CACNG7: variants seen among roughly 807,000 people sequenced by gnomAD.
CACNG7 encodes the protein calcium voltage-gated channel auxiliary subunit gamma 7.
A neutral mutation model predicts 26.3 loss-of-function variants in CACNG7; 9 were observed. The ratio of observed to expected loss-of-function variants is 0.34; its 90% CI spans 0.21 to 0.60. CACNG7 has a LOEUF of 0.60. CACNG7 is among the 20% of genes least tolerant of loss of function. CACNG7 has a pLI of 0.81. For synonymous variants in CACNG7, 170 were observed against 157.0 expected, an observed-to-expected ratio of 1.08 and a Z score of -0.62; for missense variants, 297 against 380.4, an observed-to-expected ratio of 0.78 and a Z score of 1.82.
chr19:53,927,841 A>G (rs529172950), intron 4 of CACNG7, among the ~76,000 whole-genome samples: 4,969 of 144,730 alleles, frequency 0.034, 279 homozygotes, highest in African/African-American at 0.13. Context: ...TCCATCTCAA[A>G]AAAAAAAAAA....
At chr19:53,923,179 GT>G (rs1335194723) in intron 4 of CACNG7, among the ~76,000 whole-genome samples, 4 of 84,488 alleles carry the variant, frequency 4.7e-5, no homozygotes, top group African/African-American at 7.3e-5. Flanking sequence ...GTTGTCCCAG[GT>G]CTGGTCATTG....
intron 4 of CACNG7, among the ~76,000 whole-genome samples, chr19:53,929,170 C>G (rs2069054907): frequency 6.9e-6 from 1 of 145,928 alleles, no homozygotes; most frequent in South Asian, 2.2e-4. Context: ...GGGCAAGGGA[C>G]TTGGGGAAGC....
At chr19:53,930,564 G>A (rs1417240007) in intron 4 of CACNG7, among the ~76,000 whole-genome samples, 3 of 152,090 alleles carry the variant, frequency 2.0e-5, no homozygotes, top group African/African-American at 4.8e-5. Flanking sequence ...TAGTAGAGAC[G>A]GGGTTTCACT....
At chr19:53,925,249 TC>T (rs2145910821) in intron 4 of CACNG7, among the ~76,000 whole-genome samples, 1 of 137,650 alleles carries the variant, frequency 7.3e-6, no homozygotes, top group Middle Eastern at 4.3e-3. Flanking sequence ...CCAGGTCTGG[TC>T]ATTGGTGGAG....
At chr19:53,920,698 G>GT (rs1461968440) in intron 4 of CACNG7, among the ~76,000 whole-genome samples, 1 of 116,916 alleles carries the variant, frequency 8.6e-6, no homozygotes, top group Non-Finnish European at 1.7e-5. Context: ...TGGTGGACTT[G>GT]CTCCAGGTCT....
In CACNG7 at chr19:53,912,972, C is replaced by T; in HGVS notation, c.141C>T (p.Thr47=). 2 of 1,613,960 alleles carry T rather than the reference C, an allele frequency of 1.2e-6. No homozygotes were observed. Among genetic ancestry groups the T allele is most frequent in the Non-Finnish European group, 1.7e-6 (2 of 1,179,906 alleles). Residue 47 remains threonine (T), a synonymous_variant, in exon 2 of 6, where the codon ACC becomes ACT. Coordinates refer to ENST00000391767, the MANE Select transcript of CACNG7 (RefSeq NM_031896.5). The surrounding 1 kb of genome is among the most constrained non-coding windows in gnomAD (Gnocchi z 4.6). Reference sequence around the variant, plus strand: ...GCACAGTGCTACCGCAGAACCAGACCACCGAGGTCAAGATGGCCCTGCACG... The same window carrying T: ...GCACAGTGCTACCGCAGAACCAGACTACCGAGGTCAAGATGGCCCTGCACG... ...EEGTVLPQNQ[T]TEVKMALHAG...
At chr19:53,923,904 G>T (rs1219286280) in intron 4 of CACNG7, among the ~76,000 whole-genome samples, 1 of 139,234 alleles carries the variant, frequency 7.2e-6, no homozygotes, top group Non-Finnish European at 1.5e-5. Context: ...AGTTGCCCCA[G>T]GTCTGGTCAT....
intron 4 of CACNG7, among the ~76,000 whole-genome samples, chr19:53,936,694 T>C (rs2069107218): frequency 6.6e-6 from 1 of 151,924 alleles, no homozygotes; most frequent in Middle Eastern, 3.2e-3. Flanking sequence ...CTGCAACCTC[T>C]GCCTCCTGGG....
At chr19:53,913,110 G>A (rs763263137) in intron 2 of CACNG7, 83 bp downstream of exon 2, 16 of 1,270,922 alleles carry the variant, frequency 1.3e-5, no homozygotes, top group Non-Finnish European at 1.7e-5. Flanking sequence ...CATCCCTTGA[G>A]TTCCAGAAAT....
chr19:53,921,716 T>C (rs374073637), intron 4 of CACNG7, among the ~76,000 whole-genome samples: 30 of 67,820 alleles, frequency 4.4e-4, no homozygotes, highest in East Asian at 1.2e-3. Flanking sequence ...GGTGGAGCTG[T>C]CCCAGGCTGG....
In CACNG7 at chr19:53,918,040, A is replaced by G. The variant is rs1340980901; in HGVS notation, c.424+2535A>G. On this transcript the variant is annotated intron_variant, in intron 4 of 5. Transcript: ENST00000391767. The stretch of plus-strand genomic sequence containing the variant: ...CCAACTGCCTGAATTCCTTCCTAGC[A>G]TTCATTTCACAGGCTATGACCTATG... 2.6e-5 allele frequency among the ~76,000 whole-genome samples: 4 copies of G among 152,220 alleles called. No individual in the cohort carries two copies. The East Asian group carries it at 7.7e-4, about 29-fold the overall frequency.
chr19:53,931,901 A>G (rs2069075346), intron 4 of CACNG7, among the ~76,000 whole-genome samples: 3 of 149,748 alleles, frequency 2.0e-5, no homozygotes, highest in Non-Finnish European at 4.4e-5. Flanking sequence ...AGCTGGGACT[A>G]CAGGCGGCCA....
At chr19:53,934,747 C>T (rs977203112) in intron 4 of CACNG7, among the ~76,000 whole-genome samples, 3 of 151,708 alleles carry the variant, frequency 2.0e-5, no homozygotes, top group East Asian at 1.9e-4. Context: ...CACTCCAGCC[C>T]GGGCCATAGA....
intron 4 of CACNG7, among the ~76,000 whole-genome samples, chr19:53,927,425 C>G (rs34904100): frequency 6.6e-6 from 1 of 151,816 alleles, no homozygotes; most frequent in Non-Finnish European, 1.5e-5. Flanking sequence ...AGGGAGGGCT[C>G]CCAGGAAAAG....
chr19:53,939,139 T>C lies in CACNG7; in HGVS notation c.425-2331T>C, dbSNP rs1350714899. On this transcript the variant is annotated intron_variant, in intron 4 of 5. Coordinates refer to ENST00000391767, the MANE Select transcript of CACNG7 (RefSeq NM_031896.5). This position sits in a 1 kb window ranked among gnomAD's most constrained non-coding sequence, Gnocchi z 4.2. ...AGGCATGGTGGCGGGTGCCTGTTAA[T>C]TCCAGCTACGCAGGAGGCTGAGGCA... 6.6e-6 allele frequency among the ~76,000 whole-genome samples: 1 copy of C among 152,102 alleles called. No individual in the cohort carries two copies. Among genetic ancestry groups the C allele is most frequent in the Non-Finnish European group, 1.5e-5 (1 of 68,034 alleles).
chr19:53,914,483 G>A lies in CACNG7; in HGVS notation c.197-17G>A. On this transcript the variant is annotated splice_polypyrimidine_tract_variant and intron_variant, in intron 2 of 5. Transcript: ENST00000391767. ...AGGAGCCTCTCATCCAGCCCTGTCT[G>A]TTTCTCTTCCCCCCAGGTCGGGAGA... 6.2e-7 allele frequency: 1 copy of A among 1,612,298 alleles called. No homozygotes were observed. Among genetic ancestry groups the A allele is most frequent in the South Asian group, 1.1e-5 (1 of 91,012 alleles).
Position 53,942,240 on chromosome 19 carries a change from C to T in CACNG7, c.775C>T (p.Pro259Ser). The stretch of plus-strand genomic sequence containing the variant: ...GTCCATCCAAATGACGCAGAACTAC[C>T]CTCCCGCCATCAAGTACCCGGACCA... ...DVSIQMTQNY[P>S]PAIKYPDHLH... is the part of the protein sequence containing the mutation. Residue 259 changes from proline to serine, a missense_variant, in exon 6 of 6, where the codon CCT becomes TCT. Coordinates refer to ENST00000391767, the MANE Select transcript of CACNG7 (RefSeq NM_031896.5). This position sits in a 1 kb window ranked among gnomAD's most constrained non-coding sequence, Gnocchi z 5.9. 4.3e-6 allele frequency: 7 copies of T among 1,613,914 alleles called. No homozygotes were observed. The highest frequency in any genetic ancestry group is 5.1e-6 in the Non-Finnish European group (6 of 1,179,922).
At position 53,912,753 on chromosome 19, in the gene CACNG7, G is replaced by T; in HGVS notation, c.-29-50G>T. 6.8e-7 allele frequency: 1 copy of T among 1,460,494 alleles called. No individual in the cohort carries two copies. The allele number at this position is 1,460,494 out of a possible 1,614,324, so 90.5% of individuals were successfully genotyped here. A position where few individuals can be genotyped will look rare whatever the true frequency, so the allele number is the denominator to read the frequency against. On this transcript the variant is annotated intron_variant, in intron 1 of 5. Coordinates refer to ENST00000391767, the MANE Select transcript of CACNG7 (RefSeq NM_031896.5). The surrounding 1 kb of genome is among the most constrained non-coding windows in gnomAD (Gnocchi z 4.6). ...ATCCCGGGTTGCTGCATGGGGTCAA[G>T]CACTCTGGTCGGTCCCATGGAGCTC...
chr19:53,927,815 G>A (rs2069042465), intron 4 of CACNG7, among the ~76,000 whole-genome samples: 1 of 147,132 alleles, frequency 6.8e-6, no homozygotes, highest in African/African-American at 2.6e-5. Flanking sequence ...TCCAGCTTGG[G>A]CAACAAGAGC....
Sources: allele counts gnomAD v4.1 joint callset (sites outside exome capture counted in the v4.1 genomes callset), GRCh38; gene constraint gnomAD v4.1.1; non-coding constraint Gnocchi (gnomAD v3.1); transcripts MANE v1.5; gene names NCBI Gene and HGNC (gene_info 2026-07-23, HGNC 2026-07-21).